The following TEX11 variants were observed in gnomAD, a reference collection of about 807,000 sequenced individuals.
TEX11 encodes testis-expressed protein 11.
TEX11 carries 7 observed loss-of-function variants against 84.4 expected under a neutral mutation model. The observed-to-expected ratio is 0.08, with a 90% CI of 0.05 to 0.16. The LOEUF (loss-of-function observed/expected upper bound fraction) is 0.16, where lower values mean the gene tolerates loss of function less well. TEX11 is among the 10% of genes least tolerant of loss of function. The pLI is 1.00. For synonymous variants in TEX11, 264 were observed against 222.8 expected, an observed-to-expected ratio of 1.18 and a Z score of -1.64; for missense variants, 551 against 660.5, an observed-to-expected ratio of 0.83 and a Z score of 1.82.
At chrX:70,639,349 C>T (rs892768898) in intron 17 of TEX11, among the ~76,000 whole-genome samples, 2 of 111,828 alleles carry the variant, frequency 1.8e-5, no homozygotes, top group African/African-American at 3.3e-5. Context: ...GGGAGGGGCG[C>T]CCACCATTGC....
chrX:70,724,189 T>G, intron 12 of TEX11: 1 of 753,617 alleles, frequency 1.3e-6, no homozygotes, highest in Non-Finnish European at 1.6e-6. Flanking sequence ...GTAAGTGTAT[T>G]ATTTTAGTTG....
At chrX:70,813,298 G>A (rs886332336) in intron 8 of TEX11, among the ~76,000 whole-genome samples, 14 of 111,580 alleles carry the variant, frequency 1.3e-4, no homozygotes, top group African/African-American at 3.9e-4. Context: ...TTCAACATAC[G>A]CAAATCAATG....
intron 2 of TEX11, among the ~76,000 whole-genome samples, chrX:70,885,270 G>A (rs1186263922): frequency 9.0e-6 from 1 of 111,346 alleles, no homozygotes; most frequent in African/African-American, 3.3e-5. Context: ...TGAAAAACCA[G>A]GCAAAGATGT....
chrX:70,580,854 T>C (rs2088762583), intron 25 of TEX11, among the ~76,000 whole-genome samples: 1 of 112,412 alleles, frequency 8.9e-6, no homozygotes, highest in Admixed American at 9.4e-5. Context: ...TTCTGTGGTA[T>C]GTTAGATTTA....
intron 28 of TEX11, among the ~76,000 whole-genome samples, chrX:70,539,330 G>A (rs369022562): frequency 2.1e-4 from 23 of 109,740 alleles, no homozygotes; most frequent in Admixed American, 1.3e-3. Flanking sequence ...CACCGTGCCC[G>A]GCCGGAAGTA....
intron 8 of TEX11, among the ~76,000 whole-genome samples, chrX:70,807,806 T>C (rs2091227687): frequency 9.0e-6 from 1 of 110,803 alleles, no homozygotes; most frequent in South Asian, 3.8e-4. Flanking sequence ...TATATTTGAA[T>C]CTAAAATAAA....
the TEX11 span, among the ~76,000 whole-genome samples, chrX:70,515,818 T>C: frequency 1.8e-5 from 2 of 112,500 alleles, no homozygotes; most frequent in Non-Finnish European, 3.8e-5. Context: ...CCATTCTAAC[T>C]GGAGTGAGAT....
chrX:70,872,988 T>C (rs759398571), intron 4 of TEX11, among the ~76,000 whole-genome samples: 147 of 111,276 alleles, frequency 1.3e-3, no homozygotes, highest in Non-Finnish European at 2.4e-3. Flanking sequence ...CTCCTGACTA[T>C]TTCTTGCAGT....
intron 9 of TEX11, among the ~76,000 whole-genome samples, chrX:70,781,928 C>T (rs775032112): frequency 4.5e-5 from 5 of 111,328 alleles, no homozygotes; most frequent in Non-Finnish European, 9.4e-5. Context: ...CCCAACCTAG[C>T]AAGGTAGGTG....
In TEX11 at chrX:70,868,258, C is replaced by CA. The variant is rs760966631; in HGVS notation, c.244+4964dup. 3.4e-4 allele frequency among the ~76,000 whole-genome samples: 38 copies of CA among 111,300 alleles called. No individual in the cohort carries two copies. In the South Asian group the frequency reaches 0.014, roughly 40 times the overall value. ...TCTCAAAAGAAGACATTTTTGAGGC[C>CA]AAAAAAACATATTAAAAAAGCTCAT... On this transcript the variant is annotated intron_variant, in intron 4 of 29. Coordinates refer to ENST00000374333, the MANE Select transcript of TEX11 (RefSeq NM_031276.3).
intron 9 of TEX11, among the ~76,000 whole-genome samples, chrX:70,785,744 A>G (rs1301947816): frequency 8.9e-6 from 1 of 112,306 alleles, no homozygotes; most frequent in East Asian, 2.8e-4. Context: ...GCCATCAGAG[A>G]AATGCAAATC....
intron 9 of TEX11, among the ~76,000 whole-genome samples, chrX:70,784,227 C>A (rs1209135515): frequency 1.8e-5 from 2 of 111,645 alleles, no homozygotes; most frequent in African/African-American, 6.5e-5. Context: ...ATGACAAAAA[C>A]CACATGATTA....
intron 13 of TEX11, among the ~76,000 whole-genome samples, chrX:70,711,292 A>G (rs1323765413): frequency 1.3e-4 from 14 of 111,123 alleles, no homozygotes; most frequent in African/African-American, 4.6e-4. Context: ...ATAATCCTTT[A>G]GGTATATACC....
At chrX:70,730,596 G>C (rs1018059691) in intron 11 of TEX11, among the ~76,000 whole-genome samples, 5 of 111,929 alleles carry the variant, frequency 4.5e-5, no homozygotes, top group African/African-American at 1.6e-4. Context: ...TCAACAAGAA[G>C]AGCTAACTAT....
chrX:70,550,695 A>G lies in TEX11; in HGVS notation c.2520+1431T>C, dbSNP rs1249400923. Among the ~76,000 whole-genome samples the G allele has an allele frequency of 4.5e-5, 5 of 112,201 alleles. No individual in the cohort carries two copies. In the East Asian group the frequency reaches 1.4e-3, roughly 31 times the overall value. On this transcript the variant is annotated intron_variant, in intron 28 of 29. Transcript: ENST00000374333. ...AGAACTGCAAATCAAAACTACAGTG[A>G]GATATCATCTCACCCCAGTTAAAAT...
intron 2 of TEX11, among the ~76,000 whole-genome samples, chrX:70,907,501 G>A (rs1335801856): frequency 4.5e-5 from 5 of 111,016 alleles, no homozygotes; most frequent in African/African-American, 1.6e-4. Context: ...CTGCCTCCCA[G>A]GTTCAAGCGA....
At chrX:70,784,048 T>C (rs1459296881) in intron 9 of TEX11, among the ~76,000 whole-genome samples, 1 of 111,372 alleles carries the variant, frequency 9.0e-6, no homozygotes, top group African/African-American at 3.3e-5. Context: ...TAGACCAATA[T>C]CCCTGACGAA....
chrX:70,745,315 C>A (rs959314603), intron 9 of TEX11, among the ~76,000 whole-genome samples: 8 of 110,411 alleles, frequency 7.2e-5, no homozygotes, highest in African/African-American at 2.6e-4. Context: ...GGTTTCAAAA[C>A]CTAATACCTA....
chrX:70,737,686 C>G (rs990310679), intron 11 of TEX11, among the ~76,000 whole-genome samples: 3 of 105,049 alleles, frequency 2.9e-5, no homozygotes, highest in South Asian at 4.3e-4. Flanking sequence ...TTAAAATACC[C>G]CCCCCCCAAA....
Sources: gnomAD v4.1 joint callset for allele counts (sites outside exome capture counted in the v4.1 genomes callset) on GRCh38, gnomAD v4.1.1 for gene constraint, MANE v1.5 for transcripts, NCBI Gene and HGNC (gene_info 2026-07-23, HGNC 2026-07-21) for gene names.